SP100: variants seen among roughly 807,000 people sequenced by gnomAD.
SP100 encodes nuclear autoantigen Sp-100.
Under a neutral mutation model 130.0 loss-of-function variants are expected in SP100, and 84 were observed. That is an observed-to-expected ratio of 0.65 (90% confidence interval 0.54 to 0.77). The LOEUF (loss-of-function observed/expected upper bound fraction) is 0.77. SP100 is among the 30% of genes least tolerant of loss of function. The probability of loss-of-function intolerance (pLI) is 0.00; values close to 1 mark genes in which losing one functional copy is unlikely to be tolerated. For missense variants in SP100, 978 were observed against 1,052.2 expected (o/e 0.93, Z 0.97); for synonymous variants, 331 against 351.7 (o/e 0.94, Z 0.66).
intron 2 of SP100, among the ~76,000 whole-genome samples, chr2:230,424,492 C>G (rs796487859): frequency 2.9e-4 from 44 of 152,136 alleles, no homozygotes; most frequent in African/African-American, 1.0e-3. Context: ...CATGGTGAAA[C>G]CACATCTCTA....
At chr2:230,436,857 A>AT (rs1158085062) in intron 2 of SP100, among the ~76,000 whole-genome samples, 16 of 71,254 alleles carry the variant, frequency 2.2e-4, no homozygotes, top group African/African-American at 9.2e-4. Context: ...TGTATATGTG[A>AT]ACACATATGT....
chr2:230,456,320 T>C (rs2064273635), intron 8 of SP100, among the ~76,000 whole-genome samples: 1 of 152,236 alleles, frequency 6.6e-6, no homozygotes, highest in South Asian at 2.1e-4. Flanking sequence ...GCTTCTTTTC[T>C]TTTGTTGCTT....
chr2:230,442,078 ATTGTTTCCTGCCT>A (rs2063493811), intron 2 of SP100, among the ~76,000 whole-genome samples: 1 of 152,094 alleles, frequency 6.6e-6, no homozygotes, highest in African/African-American at 2.4e-5. Context: ...ATGTAACATT[ATTGTTTCCTGCCT>A]CATGTTAGAT....
Position 230,506,419 on chromosome 2 carries a change from G to T in SP100, c.1987G>T (p.Gly663Ter). 1 of 1,613,880 alleles carries T rather than the reference G, an allele frequency of 6.2e-7. No homozygotes were observed. The highest frequency in any genetic ancestry group is 8.5e-7 in the Non-Finnish European group (1 of 1,179,830). The change falls in exon 22 of 29, where the codon GGA becomes TGA. Residue 663 changes from glycine to a stop codon, truncating the protein, a stop_gained. Transcript: ENST00000340126. LOFTEE classifies it high-confidence loss of function. ...KNWKLSIRCG[G>*]YTLKVLMENK... The stretch of plus-strand genomic sequence containing the variant: ...CTGGAAGCTAAGTATACGCTGCGGT[G>T]GATATACCCTGAAAGTCCTGATGGA...
intron 13 of SP100, chr2:230,468,817 C>CAAAAAAAAAAAAA: frequency 6.9e-6 from 1 of 145,840 alleles, no homozygotes; most frequent in Non-Finnish European, 1.2e-5. Flanking sequence ...GACCCTGTCT[C>CAAAAAAAAAAAAA]AAAAAAAAAA....
At chr2:230,422,181 CT>C (rs2062786293) in intron 2 of SP100, among the ~76,000 whole-genome samples, 1 of 152,102 alleles carries the variant, frequency 6.6e-6, no homozygotes, top group African/African-American at 2.4e-5. Flanking sequence ...TTTATAGCAT[CT>C]TGTTTCAAGA....
At chr2:230,426,723 C>T (rs1216996425) in intron 2 of SP100, among the ~76,000 whole-genome samples, 2 of 152,034 alleles carry the variant, frequency 1.3e-5, no homozygotes, top group Non-Finnish European at 2.9e-5. Flanking sequence ...GTGTATTCTG[C>T]TGCTGTTGAA....
chr2:230,511,160 C>A lies in SP100; in HGVS notation c.2088C>A (p.Asp696Glu), dbSNP rs1316896255. The part of the protein sequence containing the change: ...ILESHNNTLV[D>E]PCPENSNICE... ...AATCTCACAACAATACCTTAGTTGA[C>A]CCTTGTGTAAGTATAAATTTCCGAC... The change falls in exon 24 of 29, where the codon GAC (aspartate) becomes GAA (glutamate). Residue 696 changes from aspartate to glutamate, a missense_variant. Physicochemically the swap from Asp to Glu is conservative, Grantham distance 45 (BLOSUM62 2). Transcript: ENST00000340126. 2 of 1,607,546 alleles carry A rather than the reference C, an allele frequency of 1.2e-6. No individual in the cohort carries two copies. The highest frequency in any genetic ancestry group is 2.2e-5 in the South Asian group (2 of 90,934).
At position 230,540,881 on chromosome 2, in the gene SP100, C is replaced by A; in HGVS notation, c.2216C>A (p.Pro739Gln). Residue 739 changes from proline (P) to glutamine (Q), a missense_variant, in exon 26 of 29, where the codon CCG becomes CAG. Physicochemically the swap from Pro to Gln is moderately conservative, Grantham distance 76 (BLOSUM62 -1). Coordinates refer to ENST00000340126, the MANE Select transcript of SP100 (RefSeq NM_001080391.2). ...HIPSVEANKN[P>Q]WSCIFCRIKT... Reference sequence around the variant, plus strand: ...CTTTATGCCCCATCTCTCAGGAACCCGTGGAGTTGCATCTTCTGCAGGATA... The same window carrying A: ...CTTTATGCCCCATCTCTCAGGAACCAGTGGAGTTGCATCTTCTGCAGGATA... 6.2e-7 allele frequency: 1 copy of A among 1,611,358 alleles called. No individual in the cohort carries two copies. Among genetic ancestry groups the A allele is most frequent in the Non-Finnish European group, 8.5e-7 (1 of 1,178,196 alleles).
chr2:230,474,444 A>G lies in SP100; in HGVS notation c.1597A>G (p.Arg533Gly), dbSNP rs1298487026. The G allele has an allele frequency of 1.4e-6, 2 of 1,419,778 alleles. No homozygotes were observed. The highest frequency in any genetic ancestry group is 2.0e-6 in the Non-Finnish European group (2 of 1,011,752). The allele number at this position is 1,419,778 out of a possible 1,614,324, so 87.9% of individuals were successfully genotyped here. A position where few individuals can be genotyped will look rare whatever the true frequency, so the allele number is the denominator to read the frequency against. The change falls in exon 17 of 29, where the codon AGA becomes GGA. Residue 533 changes from arginine (R) to glycine (G), a missense_variant. Arg to Gly is a moderately radical substitution (Grantham distance 125). Transcript: ENST00000340126. ...TACTTTGGAAAAACACAGTGGGAAA[A>G]GAAGTAAGAACAAATAAGAATTTAC... ...NSTLEKHSGK[R>G]RKKRRHRSKV...
intron 17 of SP100, among the ~76,000 whole-genome samples, chr2:230,486,610 A>G (rs1274532086): frequency 2.0e-5 from 3 of 152,222 alleles, no homozygotes; most frequent in Non-Finnish European, 4.4e-5. Flanking sequence ...TGACTATGCT[A>G]TTACAAATAG....
At chr2:230,457,454 C>G (rs2064338882) in intron 8 of SP100, among the ~76,000 whole-genome samples, 1 of 152,108 alleles carries the variant, frequency 6.6e-6, no homozygotes, top group Non-Finnish European at 1.5e-5. Context: ...AGGTTGGGGT[C>G]AGAGTGAGCT....
At chr2:230,467,701 A>T (rs1397333489) in intron 13 of SP100, among the ~76,000 whole-genome samples, 1 of 152,222 alleles carries the variant, frequency 6.6e-6, no homozygotes, top group African/African-American at 2.4e-5. Context: ...TGATTCAATT[A>T]CGTGCCACCA....
intron 24 of SP100, among the ~76,000 whole-genome samples, chr2:230,518,373 A>G (rs1180038744): frequency 6.6e-6 from 1 of 151,854 alleles, no homozygotes; most frequent in Non-Finnish European, 1.5e-5. Flanking sequence ...AATTATATAT[A>G]TTAATTAGAA....
intron 24 of SP100, among the ~76,000 whole-genome samples, chr2:230,528,804 A>G (rs754395695): frequency 6.6e-6 from 1 of 152,256 alleles, no homozygotes; most frequent in Non-Finnish European, 1.5e-5. Flanking sequence ...AAATGCCTCT[A>G]TGCAAATAAA....
intron 19 of SP100, among the ~76,000 whole-genome samples, chr2:230,501,610 G>A (rs867253815): frequency 1.1e-4 from 16 of 152,052 alleles, no homozygotes; most frequent in South Asian, 8.3e-4. Context: ...GCCTAATCTC[G>A]TCATAATTTG....
chr2:230,514,527 A>T (rs560357966), intron 24 of SP100, among the ~76,000 whole-genome samples: 1 of 152,302 alleles, frequency 6.6e-6, no homozygotes, highest in Non-Finnish European at 1.5e-5. Context: ...AATAACAACT[A>T]TGCTATAATT....
At position 230,520,912 on chromosome 2, in the gene SP100, A is replaced by G. The variant is rs902257435; in HGVS notation, c.2094+9746A>G. ...TACAGATTGCAACATACAGGCTCAA[A>G]TGTCTTCATGTAAAACAATCAGTAA... On this transcript the variant is annotated intron_variant, in intron 24 of 28. Coordinates refer to ENST00000340126, the MANE Select transcript of SP100 (RefSeq NM_001080391.2). Among the ~76,000 whole-genome samples the G allele has an allele frequency of 3.9e-5, 6 of 152,334 alleles. No homozygotes were observed. In the South Asian group the frequency reaches 1.0e-3, roughly 26 times the overall value.
intron 18 of SP100, among the ~76,000 whole-genome samples, chr2:230,496,032 T>C (rs2066649769): frequency 6.6e-6 from 1 of 152,150 alleles, no homozygotes; most frequent in Admixed American, 6.5e-5. Flanking sequence ...ATTTCTAGCA[T>C]CTCTATCATT....
Sources: allele counts gnomAD v4.1 joint callset (sites outside exome capture counted in the v4.1 genomes callset), GRCh38; gene constraint gnomAD v4.1.1; transcripts MANE v1.5; gene names NCBI Gene and HGNC (gene_info 2026-07-23, HGNC 2026-07-21).